ERAL1: variants seen among roughly 807,000 people sequenced by gnomAD.
The protein encoded by ERAL1 is GTPase Era, mitochondrial.
Under a neutral mutation model 53.6 loss-of-function variants are expected in ERAL1, and 36 were observed. That is an observed-to-expected ratio of 0.67 (90% CI 0.51 to 0.89). The LOEUF (loss-of-function observed/expected upper bound fraction) is 0.89. Ranked by LOEUF, ERAL1 falls within the 40% of genes least tolerant of loss-of-function variation. ERAL1 has a pLI of 0.00. For missense variants in ERAL1, 512 were observed against 537.5 expected, an observed-to-expected ratio of 0.95 and a Z score of 0.47; for synonymous variants, 215 against 211.8, an observed-to-expected ratio of 1.02 and a Z score of -0.13.
In ERAL1 at chr17:28,858,152, C is replaced by A; in HGVS notation, c.543C>A (p.His181Gln). 6.2e-7 allele frequency: 1 copy of A among 1,614,088 alleles called. No individual in the cohort carries two copies. Among genetic ancestry groups the A allele is most frequent in the Non-Finnish European group, 8.5e-7 (1 of 1,180,024 alleles). ...IISPGKQKRH[H>Q]LELSLLEDPW... ...ATGTATGTCTGTCCCTCAGGCATCA[C>A]CTGGAGCTCTCTTTGTTGGAAGATC... Residue 181 changes from histidine (H) to glutamine (Q), a missense_variant, in exon 5 of 10, where the codon CAC becomes CAA. Transcript: ENST00000254928.
At chr17:28,855,946 T>G (rs1240971619) in intron 1 of ERAL1, among the ~76,000 whole-genome samples, 1 of 152,170 alleles carries the variant, frequency 6.6e-6, no homozygotes, top group African/African-American at 2.4e-5. Context: ...ACATTATAAT[T>G]ACATGCAGTA....
chr17:28,855,108 T>A lies in ERAL1; in HGVS notation c.74T>A (p.Val25Asp). The A allele has an allele frequency of 6.2e-7, 1 of 1,614,242 alleles. No homozygotes were observed. The highest frequency in any genetic ancestry group is 8.5e-7 in the Non-Finnish European group (1 of 1,180,044). Reference sequence around the variant, plus strand: ...AGAGTCTGGCAGGTGGGCCCTCATGTCGCGAGGGAGCGGGTGATCCCTTTT... The same window carrying A: ...AGAGTCTGGCAGGTGGGCCCTCATGACGCGAGGGAGCGGGTGATCCCTTTT... ...VLRVWQVGPH[V>D]ARERVIPFSS... The change falls in exon 1 of 10, where the codon GTC becomes GAC. Residue 25 changes from valine (V) to aspartate (D), a missense_variant. Physicochemically the swap from Val to Asp is radical, Grantham distance 152 (BLOSUM62 -3). Transcript: ENST00000254928.
chr17:28,859,671 C>G (rs370517843), intron 9 of ERAL1, among the ~76,000 whole-genome samples: 9 of 151,948 alleles, frequency 5.9e-5, no homozygotes, highest in African/African-American at 2.2e-4. Flanking sequence ...TCCCGAGAAG[C>G]TGGGATTACA....
rs777926902 is a variant in ERAL1, at chr17:28,856,573, G to C, written c.480G>C (p.Glu160Asp). 4 of 1,613,930 alleles carry C rather than the reference G, an allele frequency of 2.5e-6. No homozygotes were observed. In the Admixed American group the frequency reaches 6.7e-5, roughly 27 times the overall value. Residue 160 changes from glutamate to aspartate, a missense_variant, in exon 3 of 10, where the codon GAG (glutamate) becomes GAC (aspartate). Glu to Asp is a conservative substitution (Grantham distance 45). Coordinates refer to ENST00000254928, the MANE Select transcript of ERAL1 (RefSeq NM_005702.4). The stretch of plus-strand genomic sequence containing the variant: ...CTCTGGGGGTCATCACAGAGAAGGA[G>C]ACCCAGGTGGTGGGTACCTACAAAG... ...CQALGVITEKETQVILLDTPG... is the reference protein window; with the variant it reads ...CQALGVITEKDTQVILLDTPG...
chr17:28,858,727 C>T lies in ERAL1; in HGVS notation c.863C>T (p.Thr288Ile), dbSNP rs764479923. 6.2e-7 allele frequency: 1 copy of T among 1,614,234 alleles called. No individual in the cohort carries two copies. Among genetic ancestry groups the T allele is most frequent in the Non-Finnish European group, 8.5e-7 (1 of 1,180,044 alleles). Residue 288 changes from threonine to isoleucine, a missense_variant, in exon 7 of 10, where the codon ACA becomes ATA. Transcript: ENST00000254928. The stretch of plus-strand genomic sequence containing the variant: ...AGCCCAGCAGTTAAGGACCCAAACA[C>T]ACAATCTGTGGGAAATCCTCAGAGG... ...CPSPAVKDPNTQSVGNPQRIG... is the reference protein window; with the variant it reads ...CPSPAVKDPNIQSVGNPQRIG...
chr17:28,857,848 C>G, intron 3 of ERAL1, 91 bp from the exon 4 acceptor site: 1 of 1,376,228 alleles, frequency 7.3e-7, no homozygotes, highest in South Asian at 1.2e-5. Flanking sequence ...GAAGGGAGGG[C>G]AGGCTCCTGA....
Position 28,856,539 on chromosome 17 carries a change from G to C in ERAL1, c.446G>C (p.Arg149Pro). ...GTTTCCAGGAAGGTGCATACTACTC[G>C]CTGCCAAGCTCTGGGGGTCATCACA... ...FPVSRKVHTT[R>P]CQALGVITEK... is the part of the protein sequence containing the mutation. The change falls in exon 3 of 10, where the codon CGC (arginine) becomes CCC (proline). Residue 149 changes from arginine to proline, a missense_variant. Physicochemically the swap from Arg to Pro is moderately radical, Grantham distance 103. Coordinates refer to ENST00000254928, the MANE Select transcript of ERAL1 (RefSeq NM_005702.4). The C allele has an allele frequency of 6.2e-7, 1 of 1,613,840 alleles. No individual in the cohort carries two copies.
At position 28,860,503 on chromosome 17, in the gene ERAL1, A is replaced by G. The variant is rs1461619438; in HGVS notation, c.1264A>G (p.Ile422Val). 2 of 1,607,558 alleles carry G rather than the reference A, an allele frequency of 1.2e-6. No individual in the cohort carries two copies. The highest frequency in any genetic ancestry group is 1.7e-6 in the Non-Finnish European group (2 of 1,177,480). ...AQEAGHDLMD[I>V]FLCDVDIRLS... Reference sequence around the variant, plus strand: ...GGAGGCAGGCCATGACCTCATGGACATCTTCCTCTGCGATGTTGACATCCG... The same window carrying G: ...GGAGGCAGGCCATGACCTCATGGACGTCTTCCTCTGCGATGTTGACATCCG... The change falls in exon 10 of 10, where the codon ATC (isoleucine) becomes GTC (valine). Residue 422 changes from isoleucine (I) to valine (V), a missense_variant. Coordinates refer to ENST00000254928, the MANE Select transcript of ERAL1 (RefSeq NM_005702.4).
intron 3 of ERAL1, 126 bp from the exon 4 acceptor site, chr17:28,857,813 C>A: frequency 9.0e-7 from 1 of 1,110,176 alleles, no homozygotes; most frequent in Non-Finnish European, 1.3e-6. Context: ...AAAAACAAAC[C>A]TAAAGTCAAT....
At position 28,858,615 on chromosome 17, in the gene ERAL1, A is replaced by T; in HGVS notation, c.751A>T (p.Thr251Ser). The change falls in exon 7 of 10, where the codon ACG (threonine) becomes TCG (serine). Residue 251 changes from threonine (T) to serine (S), a missense_variant. By Grantham distance (58) the Thr-to-Ser change is moderately conservative. Coordinates refer to ENST00000254928, the MANE Select transcript of ERAL1 (RefSeq NM_005702.4). ...LKQKSVLLELTAALTEGVVNG... is the reference protein window; with the variant it reads ...LKQKSVLLELSAALTEGVVNG... ...GCAGAAGTCAGTTCTCCTGGAGCTCACGGCAGCCCTCACTGAAGGTGTGGT... is the reference window on the plus strand; with the variant it reads ...GCAGAAGTCAGTTCTCCTGGAGCTCTCGGCAGCCCTCACTGAAGGTGTGGT... 2 of 1,614,088 alleles carry T rather than the reference A, an allele frequency of 1.2e-6. No homozygotes were observed. Among genetic ancestry groups the T allele is most frequent in the Non-Finnish European group, 1.7e-6 (2 of 1,179,952 alleles).
At chr17:28,859,903 C>T (rs2039287206) in intron 9 of ERAL1, among the ~76,000 whole-genome samples, 1 of 151,770 alleles carries the variant, frequency 6.6e-6, no homozygotes, top group Non-Finnish European at 1.5e-5. Flanking sequence ...TCAAGCAGTC[C>T]ATGCACCTTG....
At chr17:28,857,266 C>T (rs913396186) in intron 3 of ERAL1, among the ~76,000 whole-genome samples, 5 of 151,684 alleles carry the variant, frequency 3.3e-5, no homozygotes, top group Admixed American at 1.3e-4. Context: ...CGCCACCACG[C>T]CCGGCTACTT....
rs765817530 is a variant in ERAL1, at chr17:28,858,370, C to A, written c.599-4C>A. On this transcript the variant is annotated splice_polypyrimidine_tract_variant and splice_region_variant and intron_variant, in intron 5 of 9. Coordinates refer to ENST00000254928, the MANE Select transcript of ERAL1 (RefSeq NM_005702.4). ...TTCCTTCTTCCTGCCTTGCCATCTT[C>A]TAGTTGTGGTTCTTGTGGATGTCTC... The A allele has an allele frequency of 6.2e-7, 1 of 1,614,032 alleles. No homozygotes were observed. Among genetic ancestry groups the A allele is most frequent in the Non-Finnish European group, 8.5e-7 (1 of 1,179,952 alleles).
intron 3 of ERAL1, among the ~76,000 whole-genome samples, chr17:28,857,542 C>T (rs753180830): frequency 2.6e-5 from 4 of 151,860 alleles, no homozygotes; most frequent in Non-Finnish European, 5.9e-5. Context: ...GTAATCCCAG[C>T]ACTTTGGGAG....
rs1473329344 is a variant in ERAL1, at chr17:28,855,240, C to T, written c.206C>T (p.Ala69Val). The change falls in exon 1 of 10, where the codon GCC (alanine) becomes GTC (valine). Residue 69 changes from alanine to valine, a missense_variant. Ala to Val is a moderately conservative substitution (Grantham distance 64). Transcript: ENST00000254928. ...SASRSNGQGS[A>V]LDHFLGFSQP... ...TCTCGCAGTAATGGCCAGGGCTCTG[C>T]CCTGGACCACTTCCTCGGATTCTCT... The T allele has an allele frequency of 1.2e-6, 2 of 1,613,522 alleles. No homozygotes were observed. Among genetic ancestry groups the T allele is most frequent in the Admixed American group, 1.7e-5 (1 of 59,922 alleles).
At chr17:28,856,927 G>T (rs2039252753) in intron 3 of ERAL1, among the ~76,000 whole-genome samples, 1 of 151,108 alleles carries the variant, frequency 6.6e-6, no homozygotes, top group African/African-American at 2.4e-5. Flanking sequence ...TAGCCAGGAT[G>T]GTCTCGATCT....
intron 9 of ERAL1, among the ~76,000 whole-genome samples, chr17:28,859,621 C>A (rs1278652949): frequency 6.6e-6 from 1 of 151,938 alleles, no homozygotes; most frequent in Non-Finnish European, 1.5e-5. Context: ...CTCACTGCAA[C>A]CTCCGCCTCC....
At chr17:28,856,761 G>A in intron 3 of ERAL1, 179 bp downstream of exon 3, 2 of 575,726 alleles carry the variant, frequency 3.5e-6, no homozygotes, top group Non-Finnish European at 6.1e-6. Context: ...TCCCAGGCTG[G>A]AGTGCAGTGA....
Position 28,860,498 on chromosome 17 carries a change from T to C in ERAL1, c.1259T>C (p.Met420Thr), listed in dbSNP as rs180833957. Residue 420 changes from methionine (M) to threonine (T), a missense_variant, in exon 10 of 10, where the codon ATG (methionine) becomes ACG (threonine). By Grantham distance (81) the Met-to-Thr change is moderately conservative. Transcript: ENST00000254928. ...QIAQEAGHDL[M>T]DIFLCDVDIR... ...GCACAGGAGGCAGGCCATGACCTCA[T>C]GGACATCTTCCTCTGCGATGTTGAC... 1 of 1,608,512 alleles carries C rather than the reference T, an allele frequency of 6.2e-7. No homozygotes were observed. Among genetic ancestry groups the C allele is most frequent in the East Asian group, 2.3e-5 (1 of 44,352 alleles).
Sources: allele counts gnomAD v4.1 joint callset (sites outside exome capture counted in the v4.1 genomes callset), GRCh38; gene constraint gnomAD v4.1.1; transcripts MANE v1.5; gene names NCBI Gene and HGNC (gene_info 2026-07-23, HGNC 2026-07-21).